Variants in DIS3L2 observed in about 807,000 individuals in gnomAD.
DIS3L2 encodes DIS3-like exonuclease 2.
A neutral mutation model predicts 97.5 loss-of-function variants in DIS3L2; 34 were observed. That is an observed-to-expected ratio of 0.35 (90% CI 0.27 to 0.46). The LOEUF (loss-of-function observed/expected upper bound fraction) is 0.46, where lower values mean the gene tolerates loss of function less well. Among genes scored for constraint, DIS3L2 ranks in the 20% least tolerant of loss-of-function variants. The pLI, the probability that DIS3L2 is intolerant of heterozygous loss-of-function variation, is 1.00. For synonymous variants in DIS3L2, 435 were observed against 445.2 expected (o/e 0.98, Z 0.29); for missense variants, 1,038 against 1,146.0 (o/e 0.91, Z 1.36).
At chr2:232,147,251 G>A (rs1412586296) in intron 8 of DIS3L2, among the ~76,000 whole-genome samples, 4 of 152,096 alleles carry the variant, frequency 2.6e-5, no homozygotes, top group African/African-American at 7.2e-5. Context: ...GATTACAGGC[G>A]TGAGCTAGCA....
At chr2:232,314,710 T>C (rs140495258) in intron 14 of DIS3L2, among the ~76,000 whole-genome samples, 70 of 152,390 alleles carry the variant, frequency 4.6e-4, no homozygotes, top group African/African-American at 1.5e-3. Flanking sequence ...TTCCTGTCTG[T>C]CACGTTGCCA....
chr2:232,329,785 T>TGCCCGGGGGGGCCCC, intron 14 of DIS3L2, 28 bp from the exon 15 acceptor site: 142 of 967,052 alleles, frequency 1.5e-4, no homozygotes, highest in Middle Eastern at 3.5e-4. Context: ...ACCCCAGCGG[T>TGCCCGGGGGGGCCCC]CCCTCCCATC....
chr2:232,335,298 C>T lies in DIS3L2; in HGVS notation c.2395-475C>T, dbSNP rs1296752911. 3 of 197,562 alleles carry T rather than the reference C, an allele frequency of 1.5e-5. No homozygotes were observed. In the East Asian group the frequency reaches 4.1e-4, roughly 27 times the overall value. The allele number at this position is 197,562 out of a possible 1,614,324, so 12.2% of individuals were successfully genotyped here. A position where few individuals can be genotyped will look rare whatever the true frequency, so the allele number is the denominator to read the frequency against. ...TGCCCTGGGAGTACAGTGTCCAGCC[C>T]GTTGTGTGCAGTAAACGTGGTGTTC... On this transcript the variant is annotated intron_variant, in intron 19 of 20. Transcript: ENST00000325385.
chr2:232,329,065 G>A (rs1370279253), intron 14 of DIS3L2: 1 of 152,298 alleles, frequency 6.6e-6, no homozygotes, highest in Non-Finnish European at 1.5e-5. Context: ...CATTCACAGT[G>A]ACTGTTGAGT....
Position 232,276,671 on chromosome 2 carries a change from A to G in DIS3L2, c.1659+13231A>G, listed in dbSNP as rs1481155945. On this transcript the variant is annotated intron_variant, in intron 13 of 20. Coordinates refer to ENST00000325385, the MANE Select transcript of DIS3L2 (RefSeq NM_152383.5). This position sits in a 1 kb window ranked among gnomAD's most constrained non-coding sequence, Gnocchi z 4.4. Reference sequence around the variant, plus strand: ...TGTTTATTTGAACATCTCCTGCGCAACAAGAGAATGTAGTGATCAAGAGCA... The same window carrying G: ...TGTTTATTTGAACATCTCCTGCGCAGCAAGAGAATGTAGTGATCAAGAGCA... Among the ~76,000 whole-genome samples the G allele has an allele frequency of 6.6e-6, 1 of 152,178 alleles. No individual in the cohort carries two copies. Among genetic ancestry groups the G allele is most frequent in the Non-Finnish European group, 1.5e-5 (1 of 68,028 alleles).
At chr2:231,991,539 G>A (rs1311832091) in intron 1 of DIS3L2, among the ~76,000 whole-genome samples, 1 of 152,058 alleles carries the variant, frequency 6.6e-6, no homozygotes, top group Non-Finnish European at 1.5e-5. Flanking sequence ...GAAAGTGCTG[G>A]GATTACAGGC....
At chr2:232,174,526 C>CA (rs1173390700) in intron 9 of DIS3L2, among the ~76,000 whole-genome samples, 2 of 136,854 alleles carry the variant, frequency 1.5e-5, no homozygotes, top group African/African-American at 2.8e-5. Flanking sequence ...GTGGAGGCAG[C>CA]AGTGAGCAGA....
At chr2:232,288,772 G>C (rs1006088527) in intron 13 of DIS3L2, among the ~76,000 whole-genome samples, 2 of 152,080 alleles carry the variant, frequency 1.3e-5, no homozygotes, top group Non-Finnish European at 2.9e-5. Flanking sequence ...TGTTTCATCA[G>C]TCTGTGTTTA....
intron 9 of DIS3L2, among the ~76,000 whole-genome samples, chr2:232,172,898 A>G (rs953579179): frequency 6.6e-6 from 1 of 152,064 alleles, no homozygotes; most frequent in African/African-American, 2.4e-5. Flanking sequence ...TGATGTGCTT[A>G]TTGGTCATTT....
At chr2:232,270,860 G>GTCCCTCTCTCTCTCTCTCTCTC (rs1491319157) in intron 13 of DIS3L2, among the ~76,000 whole-genome samples, 22 of 103,874 alleles carry the variant, frequency 2.1e-4, no homozygotes, top group East Asian at 1.1e-3. Context: ...TCTTTTTCTC[G>GTCCCTCTCTCTCTCTCTCTCTC]TCTCTCTCTC....
In DIS3L2 at chr2:232,330,786, G is replaced by A; in HGVS notation, c.2010+10G>A. ...CTCCCGGCCCATGCAGGTAAGGAGG[G>A]CCCAGCCCCGGCCTCCCCTGCTCCC... On this transcript the variant is annotated intron_variant, in intron 16 of 20. Transcript: ENST00000325385. The A allele has an allele frequency of 1.9e-6, 3 of 1,607,714 alleles. No individual in the cohort carries two copies. Among genetic ancestry groups the A allele is most frequent in the Non-Finnish European group, 2.5e-6 (3 of 1,179,878 alleles).
At position 231,974,932 on chromosome 2, in the gene DIS3L2, G is replaced by A. The variant is rs145949463; in HGVS notation, c.-94+13167G>A. 9.3e-4 allele frequency among the ~76,000 whole-genome samples: 142 copies of A among 152,114 alleles called. 2 individuals are homozygous for A. In the East Asian group the frequency reaches 0.021, roughly 23 times the overall value. ...ATATGCCCTTCAGACTATTGTATCCGTTTGGTTGCTTTCCTTTTATAAAGG... is the reference window on the plus strand; with the variant it reads ...ATATGCCCTTCAGACTATTGTATCCATTTGGTTGCTTTCCTTTTATAAAGG... On this transcript the variant is annotated intron_variant, in intron 1 of 20. Transcript: ENST00000325385.
chr2:232,038,152 T>C (rs1036364118), intron 5 of DIS3L2, among the ~76,000 whole-genome samples: 11 of 152,350 alleles, frequency 7.2e-5, no homozygotes, highest in Middle Eastern at 3.4e-3. Flanking sequence ...GTATATAGGT[T>C]GATTTAGGTC....
rs186784736 is a variant in DIS3L2, at chr2:232,246,608, G to A, written c.1318-2631G>A. On this transcript the variant is annotated intron_variant, in intron 11 of 20. Transcript: ENST00000325385. ...ACTTGCCCAAATTGTACAAGAAGCG[G>A]TGGGCCCAGGATTAGCCCCCAAGTC... Among the ~76,000 whole-genome samples the A allele has an allele frequency of 2.6e-3, 398 of 152,330 alleles. 6 individuals carry two copies. The highest frequency in any genetic ancestry group is 0.021 in the Admixed American group (325 of 15,306).
intron 9 of DIS3L2, among the ~76,000 whole-genome samples, chr2:232,168,410 C>T (rs886078890): frequency 1.3e-5 from 2 of 152,068 alleles, no homozygotes; most frequent in African/African-American, 4.8e-5. Context: ...GTCAGTGTTG[C>T]CATTTTTCTA....
At chr2:232,210,484 G>T in intron 10 of DIS3L2, 79 bp downstream of exon 10, 1 of 1,323,772 alleles carries the variant, frequency 7.6e-7, no homozygotes. Context: ...GCCCTGTGCT[G>T]CCTAGGCAGC....
intron 6 of DIS3L2, among the ~76,000 whole-genome samples, chr2:232,094,807 T>TA (rs1218070520): frequency 2.0e-5 from 3 of 151,780 alleles, no homozygotes; most frequent in African/African-American, 7.3e-5. Flanking sequence ...GCTCTAGTAA[T>TA]ATTTGCTTTA....
At chr2:232,035,659 T>G (rs1694931839) in intron 5 of DIS3L2, among the ~76,000 whole-genome samples, 1 of 152,234 alleles carries the variant, frequency 6.6e-6, no homozygotes, top group Admixed American at 6.5e-5. Flanking sequence ...TTTCCATATT[T>G]AGTGCTTCCT....
At chr2:232,335,123 G>T (rs1455779405) in intron 19 of DIS3L2, 1 of 212,354 alleles carries the variant, frequency 4.7e-6, no homozygotes, top group Admixed American at 5.2e-5. Context: ...CTCGGCTCCT[G>T]CCCTGAGTGA....
Sources: gnomAD v4.1 joint callset for allele counts (sites outside exome capture counted in the v4.1 genomes callset) on GRCh38, gnomAD v4.1.1 for gene constraint, Gnocchi (gnomAD v3.1) non-coding constraint, MANE v1.5 for transcripts, NCBI Gene and HGNC (gene_info 2026-07-23, HGNC 2026-07-21) for gene names.